Variants in MTA3 observed in about 807,000 individuals in gnomAD.
MTA3 encodes metastasis associated 1 family member 3.
MTA3 carries 34 observed loss-of-function variants against 83.5 expected under a neutral mutation model. The ratio of observed to expected loss-of-function variants is 0.41; its 90% CI spans 0.31 to 0.54. The LOEUF is 0.54. Among genes scored for constraint, MTA3 ranks in the 20% least tolerant of loss-of-function variants. The pLI, the probability that MTA3 is intolerant of heterozygous loss-of-function variation, is 0.33. For missense variants in MTA3, 761 were observed against 726.4 expected, an observed-to-expected ratio of 1.05 and a Z score of -0.55; for synonymous variants, 303 against 252.7, an observed-to-expected ratio of 1.20 and a Z score of -1.89.
rs185660855 is a variant in MTA3 at position 42,552,993 on chromosome 2, G to A, written c.-140-17444G>A. On this transcript the variant is annotated intron_variant, in intron 2 of 17. Coordinates refer to the MTA3 transcript ENST00000405592. ...AAAAAATCAAAGAAAGTTCTACTCC[G>A]AGGCTGAGTATGATGGCTCACACCT... Among the ~76,000 whole-genome samples the A allele has an allele frequency of 3.8e-3, 569 of 151,494 alleles. 7 individuals are homozygous for A. The highest frequency in any genetic ancestry group is 0.013 in the African/African-American group (534 of 41,282).
intron 11 of MTA3, among the ~76,000 whole-genome samples, chr2:42,698,664 A>C (rs1693597905): frequency 6.6e-6 from 1 of 152,058 alleles, no homozygotes; most frequent in Non-Finnish European, 1.5e-5. Flanking sequence ...TCCCTCTTCA[A>C]CCTATTTACA....
intron 2 of MTA3, among the ~76,000 whole-genome samples, chr2:42,575,898 C>A (rs553495981): frequency 7.9e-5 from 12 of 152,230 alleles, no homozygotes; most frequent in South Asian, 4.2e-4. Flanking sequence ...TACCTGTTGT[C>A]AGCACAGAGT....
intron 2 of MTA3, among the ~76,000 whole-genome samples, chr2:42,517,690 C>T (rs1468373885): frequency 2.0e-5 from 3 of 151,330 alleles, no homozygotes; most frequent in Non-Finnish European, 4.4e-5. Context: ...CCAGCTTGGC[C>T]AACATGGGGA....
At chr2:42,528,680 C>G (rs1056089702) in intron 2 of MTA3, among the ~76,000 whole-genome samples, 73 of 152,294 alleles carry the variant, frequency 4.8e-4, no homozygotes, top group African/African-American at 1.3e-3. Context: ...CCTGCCCTTT[C>G]TGAGCATCAG....
chr2:42,581,238 C>T (rs1679587476), intron 3 of MTA3, among the ~76,000 whole-genome samples: 1 of 151,792 alleles, frequency 6.6e-6, no homozygotes, highest in Non-Finnish European at 1.5e-5. Context: ...ACATTTGCTA[C>T]TGATAATGAG....
chr2:42,547,152 T>G (rs942662730), intron 2 of MTA3, among the ~76,000 whole-genome samples: 50 of 152,162 alleles, frequency 3.3e-4, no homozygotes, highest in African/African-American at 1.2e-3. Context: ...GGAAGTCTAC[T>G]GATAAAAATC....
chr2:42,590,576 T>A (rs1009130977), intron 3 of MTA3, among the ~76,000 whole-genome samples: 1 of 151,656 alleles, frequency 6.6e-6, no homozygotes, highest in Non-Finnish European at 1.5e-5. Flanking sequence ...CAACCCAAAA[T>A]GGACTGAGAA....
At chr2:42,668,265 C>T (rs1254530172) in intron 8 of MTA3, among the ~76,000 whole-genome samples, 1 of 152,192 alleles carries the variant, frequency 6.6e-6, no homozygotes, top group South Asian at 2.1e-4. Flanking sequence ...ATTAGCTGCT[C>T]AGGTTGGCTG....
intron 4 of MTA3, among the ~76,000 whole-genome samples, chr2:42,623,984 G>A (rs943246044): frequency 9.9e-5 from 15 of 152,262 alleles, no homozygotes; most frequent in Admixed American, 2.0e-4. Context: ...AAAGTGCTGG[G>A]ATTATAGGCT....
intron 16 of MTA3, among the ~76,000 whole-genome samples, chr2:42,727,777 G>A (rs1005466210): frequency 2.7e-4 from 41 of 151,728 alleles, no homozygotes; most frequent in African/African-American, 8.7e-4. Context: ...TTGATCTTAC[G>A]ATTGAAAATT....
chr2:42,594,728 A>ATATATATTTTTTTTTTTTTT, intron 3 of MTA3, among the ~76,000 whole-genome samples: 2 of 24,044 alleles, frequency 8.3e-5, no homozygotes, highest in African/African-American at 2.2e-4. Flanking sequence ...ATATATATAT[A>ATATATATTTTTTTTTTTTTT]TTTTTTTTTT....
chr2:42,622,817 A>G (rs1263904185), intron 4 of MTA3, among the ~76,000 whole-genome samples: 6 of 152,302 alleles, frequency 3.9e-5, no homozygotes, highest in Middle Eastern at 3.4e-3. Flanking sequence ...CTTGAGAACA[A>G]AAGTTTTGAG....
intron 2 of MTA3, chr2:42,532,780 G>T: frequency 3.0e-6 from 1 of 332,120 alleles, no homozygotes; most frequent in East Asian, 7.9e-5. Context: ...AACTCATAGG[G>T]AATGGGTTCC....
chr2:42,544,114 G>C (rs544928281), intron 2 of MTA3, among the ~76,000 whole-genome samples: 66 of 152,234 alleles, frequency 4.3e-4, no homozygotes, highest in African/African-American at 1.6e-3. Context: ...AGAATGTCCA[G>C]ATGTCTCCTG....
chr2:42,554,229 G>A (rs199679567), intron 2 of MTA3, among the ~76,000 whole-genome samples: 15 of 152,038 alleles, frequency 9.9e-5, no homozygotes, highest in South Asian at 4.2e-4. Flanking sequence ...GCAAGACTCC[G>A]TCTCAAAAAA....
Position 42,753,670 on chromosome 2 carries a change from G to T in MTA3, c.*271G>T. 1 of 1,297,400 alleles carries T rather than the reference G, an allele frequency of 7.7e-7. No individual in the cohort carries two copies. Among genetic ancestry groups the T allele is most frequent in the Non-Finnish European group, 9.8e-7 (1 of 1,015,408 alleles). 80.4% of individuals were successfully genotyped at this position (1,297,400 alleles called of 1,614,324 possible). A position where few individuals can be genotyped will look rare whatever the true frequency, so the allele number is the denominator to read the frequency against. On this transcript the variant is annotated 3_prime_UTR_variant, in exon 17 of 17. Coordinates refer to ENST00000405094, the MANE Select transcript of MTA3 (RefSeq NM_001330442.2). ...ACCTGCTGAGAATTGAGGGGCTGAG[G>T]GAACCCCTCCACCTCCTCCCTTCTG...
At chr2:42,515,841 A>ATTT (rs35541351) in intron 2 of MTA3, among the ~76,000 whole-genome samples, 25,910 of 132,452 alleles carry the variant, frequency 0.2, 2,484 homozygotes, top group Middle Eastern at 0.27. Flanking sequence ...TATTTTATGT[A>ATTT]TTTTTTTTTT....
chr2:42,690,425 T>C (rs1692773899), intron 9 of MTA3, among the ~76,000 whole-genome samples: 1 of 152,136 alleles, frequency 6.6e-6, no homozygotes, highest in South Asian at 2.1e-4. Flanking sequence ...TTCTTTGTTT[T>C]CAAAATTTTC....
intron 2 of MTA3, among the ~76,000 whole-genome samples, chr2:42,537,450 C>T (rs921861267): frequency 6.6e-6 from 1 of 151,564 alleles, no homozygotes; most frequent in Non-Finnish European, 1.5e-5. Context: ...CTGTAATCCC[C>T]ACTACTCGGG....
Sources: allele counts gnomAD v4.1 joint callset (sites outside exome capture counted in the v4.1 genomes callset), GRCh38; gene constraint gnomAD v4.1.1; transcripts MANE v1.5; gene names NCBI Gene and HGNC (gene_info 2026-07-23, HGNC 2026-07-21).